Variants in KAZN observed in about 807,000 individuals in gnomAD.
KAZN encodes kazrin, periplakin interacting protein, also known as kazrin.
In KAZN, 40 loss-of-function variants were observed where a neutral mutation model predicts 87.4. The ratio of observed to expected loss-of-function variants is 0.46; its 90% confidence interval spans 0.36 to 0.60. KAZN has a LOEUF of 0.60. Ranked by LOEUF, KAZN falls within the 20% of genes least tolerant of loss-of-function variation. KAZN has a pLI of 0.00. For synonymous variants in KAZN, 466 were observed against 458.3 expected, an observed-to-expected ratio of 1.02 and a Z score of -0.22; for missense variants, 898 against 1,073.9, an observed-to-expected ratio of 0.84 and a Z score of 2.29.
chr1:15,050,093 C>CAGTAGAGTAGAGTAGAGTAG (rs200055561), intron 4 of KAZN, among the ~76,000 whole-genome samples: 25 of 100,356 alleles, frequency 2.5e-4, no homozygotes, highest in African/African-American at 8.2e-4. Flanking sequence ...CAGTAGAGTA[C>CAGTAGAGTAGAGTAGAGTAG]AGTAGAGTAG....
At chr1:13,994,975 G>A (rs1379237502) in intron 1 of KAZN, among the ~76,000 whole-genome samples, 1 of 152,114 alleles carries the variant, frequency 6.6e-6, no homozygotes, top group East Asian at 1.9e-4. Flanking sequence ...GGGCTCTAGA[G>A]AGACTCATGG....
At chr1:14,501,132 A>T (rs539887174) in intron 2 of KAZN, among the ~76,000 whole-genome samples, 3 of 149,560 alleles carry the variant, frequency 2.0e-5, no homozygotes, top group South Asian at 4.2e-4. Context: ...AATAAATAAA[A>T]ATAATAATAA....
chr1:14,136,201 T>C (rs1645105764), intron 1 of KAZN, among the ~76,000 whole-genome samples: 1 of 152,038 alleles, frequency 6.6e-6, no homozygotes, highest in South Asian at 2.1e-4. Flanking sequence ...GAATCTCCCA[T>C]GGAGGGAGGC....
chr1:14,433,256 C>A (rs1449723922), intron 2 of KAZN, among the ~76,000 whole-genome samples: 1 of 151,924 alleles, frequency 6.6e-6, no homozygotes, highest in South Asian at 2.1e-4. Context: ...CCAGCACCCA[C>A]CCCCCACAGA....
rs76052753 is a variant in KAZN at position 14,461,844 on chromosome 1, G to A, written c.250-137139G>A. ...AAAATAAATTAAGAAAACAGAAACT[G>A]AAAACATTCCTGGGAGGGACCTGCT... On this transcript the variant is annotated intron_variant, in intron 2 of 16. Transcript: ENST00000636203. Among the ~76,000 whole-genome samples the A allele has an allele frequency of 6.3e-3, 959 of 152,016 alleles. 11 individuals are homozygous for A. Among genetic ancestry groups the A allele is most frequent in the African/African-American group, 0.021 (877 of 41,482 alleles).
intron 1 of KAZN, among the ~76,000 whole-genome samples, chr1:14,785,100 A>G (rs1645470561): frequency 6.6e-6 from 1 of 152,006 alleles, no homozygotes; most frequent in Non-Finnish European, 1.5e-5. Context: ...GTGGACCCTA[A>G]GATTCATTTG....
intron 1 of KAZN, among the ~76,000 whole-genome samples, chr1:13,911,141 C>T (rs760177199): frequency 2.0e-5 from 3 of 152,268 alleles, no homozygotes; most frequent in Non-Finnish European, 4.4e-5. Context: ...CTCCACCTCC[C>T]GGGTTCAAGC....
intron 2 of KAZN, among the ~76,000 whole-genome samples, chr1:14,445,835 G>A (rs902756123): frequency 6.6e-6 from 1 of 152,118 alleles, no homozygotes; most frequent in African/African-American, 2.4e-5. Flanking sequence ...TGTCTCTAGC[G>A]CAGGCTCCCA....
chr1:14,986,466 T>C (rs1666834150), intron 2 of KAZN, among the ~76,000 whole-genome samples: 1 of 152,200 alleles, frequency 6.6e-6, no homozygotes, highest in South Asian at 2.1e-4. Flanking sequence ...AATATTTTAA[T>C]ATTAAGGCAG....
chr1:14,774,342 C>G (rs1401879738), intron 1 of KAZN, among the ~76,000 whole-genome samples: 2 of 152,154 alleles, frequency 1.3e-5, no homozygotes, highest in African/African-American at 4.8e-5. Flanking sequence ...TCGAAAGCCC[C>G]TTTCCCAGTG....
intron 1 of KAZN, among the ~76,000 whole-genome samples, chr1:14,777,948 C>G (rs1190767597): frequency 6.6e-6 from 1 of 152,032 alleles, no homozygotes; most frequent in Non-Finnish European, 1.5e-5. Context: ...ATATAATGAG[C>G]CATGAGGACG....
At chr1:14,997,339 C>T (rs1668000831) in intron 2 of KAZN, among the ~76,000 whole-genome samples, 1 of 151,908 alleles carries the variant, frequency 6.6e-6, no homozygotes. Context: ...CTCCCGGGTT[C>T]GAGCGATTCT....
intron 1 of KAZN, among the ~76,000 whole-genome samples, chr1:14,843,576 C>A (rs1429871547): frequency 6.6e-6 from 1 of 152,172 alleles, no homozygotes; most frequent in Non-Finnish European, 1.5e-5. Flanking sequence ...GTGGAAGAGC[C>A]TTTGGGGCAC....
intron 1 of KAZN, among the ~76,000 whole-genome samples, chr1:13,976,947 T>C (rs1450639262): frequency 1.3e-5 from 2 of 152,216 alleles, no homozygotes; most frequent in African/African-American, 2.4e-5. Context: ...GAACCACATT[T>C]ACTGCACAAG....
At chr1:14,828,222 A>G (rs766749985) in intron 1 of KAZN, among the ~76,000 whole-genome samples, 2 of 152,210 alleles carry the variant, frequency 1.3e-5, no homozygotes, top group Non-Finnish European at 2.9e-5. Context: ...TATATTAATA[A>G]ACATCTTCTC....
At chr1:14,744,805 G>A (rs932562121) in intron 1 of KAZN, among the ~76,000 whole-genome samples, 2 of 152,102 alleles carry the variant, frequency 1.3e-5, no homozygotes, top group African/African-American at 2.4e-5. Context: ...ATAACTAGAA[G>A]GATTTTCACA....
chr1:14,387,659 C>A (rs1662048793), intron 2 of KAZN, among the ~76,000 whole-genome samples: 1 of 152,274 alleles, frequency 6.6e-6, no homozygotes, highest in African/African-American at 2.4e-5. Context: ...CTTGAGGAGG[C>A]AGTCTGCCCG....
intron 2 of KAZN, among the ~76,000 whole-genome samples, chr1:14,543,632 T>A (rs746581031): frequency 6.6e-6 from 1 of 152,236 alleles, no homozygotes; most frequent in African/African-American, 2.4e-5. Flanking sequence ...AGTTGCTTCA[T>A]ACTTGCTGCA....
At chr1:14,378,502 T>TA (rs1365019820) in intron 2 of KAZN, among the ~76,000 whole-genome samples, 2 of 152,168 alleles carry the variant, frequency 1.3e-5, no homozygotes, top group African/African-American at 4.8e-5. Context: ...GAAAGAGTCT[T>TA]AAACTGTCGA....
Sources: gnomAD v4.1 joint callset for allele counts (sites outside exome capture counted in the v4.1 genomes callset) on GRCh38, gnomAD v4.1.1 for gene constraint, MANE v1.5 for transcripts, NCBI Gene and HGNC (gene_info 2026-07-23, HGNC 2026-07-21) for gene names.